Variants in CFAP92 observed in about 807,000 individuals in gnomAD.
CFAP92 encodes uncharacterized protein CFAP92.
In CFAP92, 86 loss-of-function variants were observed where a neutral mutation model predicts 106.3. That is an observed-to-expected ratio of 0.81 (90% confidence interval 0.68 to 0.97). The LOEUF (loss-of-function observed/expected upper bound fraction) is 0.97, where lower values mean the gene tolerates loss of function less well. CFAP92 is among the 50% of genes least tolerant of loss of function. CFAP92 has a pLI of 0.00. For synonymous variants in CFAP92, 477 were observed against 506.4 expected (o/e 0.94, Z 0.78); for missense variants, 1,204 against 1,283.8 (o/e 0.94, Z 0.95).
chr3:128,976,343 T>C (rs1186082405), intron 6 of CFAP92, among the ~76,000 whole-genome samples: 2 of 152,038 alleles, frequency 1.3e-5, no homozygotes, highest in Non-Finnish European at 2.9e-5. Flanking sequence ...CTGAACTGAG[T>C]GAAAGGATAT....
intron 4 of CFAP92, among the ~76,000 whole-genome samples, chr3:128,982,289 G>C (rs977719317): frequency 6.6e-6 from 1 of 152,212 alleles, no homozygotes; most frequent in African/African-American, 2.4e-5. Flanking sequence ...TTATGTTATG[G>C]AGATGGCTCC....
At chr3:129,002,017 G>A (rs1391726185) in intron 1 of CFAP92, 1 of 1,545,538 alleles carries the variant, frequency 6.5e-7, no homozygotes. Flanking sequence ...GAAGAGGCGC[G>A]CCTGGCGCTG....
At chr3:129,020,386 C>A in the CFAP92 span, among the ~76,000 whole-genome samples, 1 of 152,154 alleles carries the variant, frequency 6.6e-6, no homozygotes, top group Non-Finnish European at 1.5e-5. Context: ...CCTGTAATCC[C>A]AGCATTTTGG....
intron 12 of CFAP92, among the ~76,000 whole-genome samples, chr3:128,924,065 C>T (rs1480717581): frequency 7.9e-5 from 12 of 151,986 alleles, no homozygotes; most frequent in Non-Finnish European, 1.2e-4. Context: ...AGACAGCTGC[C>T]GTCGAGAACA....
At chr3:129,019,764 C>CTTTTTTTTTTT in the CFAP92 span, among the ~76,000 whole-genome samples, 1 of 107,424 alleles carries the variant, frequency 9.3e-6, no homozygotes, top group Non-Finnish European at 1.9e-5. Flanking sequence ...ATTAAATTTA[C>CTTTTTTTTTTT]TTTTTTTTTT....
intron 12 of CFAP92, among the ~76,000 whole-genome samples, chr3:128,927,317 A>C (rs764251715): frequency 1.1e-5 from 1 of 94,874 alleles, no homozygotes; most frequent in Non-Finnish European, 1.8e-5. Context: ...CCCCAGGCAG[A>C]AGGAAAGGAA....
chr3:128,942,439 C>T (rs1324773771), intron 10 of CFAP92, among the ~76,000 whole-genome samples: 1 of 152,216 alleles, frequency 6.6e-6, no homozygotes, highest in Non-Finnish European at 1.5e-5. Context: ...GGCTGACCGC[C>T]TACATGGCTG....
In CFAP92 at chr3:128,945,204, C is replaced by T. The variant is rs768405049; in HGVS notation, c.2125G>A (p.Val709Met). 1 of 1,536,178 alleles carries T rather than the reference C, an allele frequency of 6.5e-7. No individual in the cohort carries two copies. The change falls in exon 10 of 16, where the codon GTG becomes ATG. Residue 709 changes from valine (V) to methionine (M), a missense_variant. Physicochemically the swap from Val to Met is conservative, Grantham distance 21. Transcript: ENST00000645291. The stretch of plus-strand genomic sequence containing the variant: ...AGGTGCTGCTGCTCCTGGACCCGCA[C>T]ACGCACCTTGAAGGCTGACAGGATC... ...QQILSAFKVR[V>M]RVQEQQHLDV... is the part of the protein sequence containing the mutation.
chr3:129,011,611 C>G, the CFAP92 span, among the ~76,000 whole-genome samples: 12,279 of 151,644 alleles, frequency 0.081, 1,434 homozygotes, highest in African/African-American at 0.25. Flanking sequence ...GAAAAGCAAG[C>G]CCTGTCCAGG....
chr3:128,919,657 T>G (rs546014723), intron 12 of CFAP92, among the ~76,000 whole-genome samples: 2 of 152,198 alleles, frequency 1.3e-5, no homozygotes, highest in Non-Finnish European at 2.9e-5. Flanking sequence ...TTTGCAGTTT[T>G]CTCTCAAGGG....
In CFAP92 at chr3:128,916,215, C is replaced by T; in HGVS notation, c.2808G>A (p.Lys936=). The change falls in exon 13 of 16, where the codon AAG becomes AAA. Residue 936 remains lysine (K), a synonymous_variant. Transcript: ENST00000645291. Reference sequence around the variant, plus strand: ...TGGCAGGGGCTGAAATTTTAATCACCTTCGCCACGGACTTCGGAGGCTTCT... The same window carrying T: ...TGGCAGGGGCTGAAATTTTAATCACTTTCGCCACGGACTTCGGAGGCTTCT... ...VSKKPPKSVA[K]VIKISAPANK... The T allele has an allele frequency of 8.1e-7, 1 of 1,232,084 alleles. No homozygotes were observed. Among genetic ancestry groups the T allele is most frequent in the Non-Finnish European group, 1.0e-6 (1 of 987,968 alleles). The allele number at this position is 1,232,084 out of a possible 1,614,324, so 76.3% of individuals were successfully genotyped here.
intron 4 of CFAP92, among the ~76,000 whole-genome samples, chr3:128,985,069 C>T (rs998268259): frequency 4.6e-5 from 7 of 152,186 alleles, no homozygotes; most frequent in East Asian, 1.9e-4. Flanking sequence ...AAAGTGAATT[C>T]GCACTGCTTT....
At chr3:129,021,108 G>A in the CFAP92 span, among the ~76,000 whole-genome samples, 49 of 152,302 alleles carry the variant, frequency 3.2e-4, no homozygotes, top group African/African-American at 1.1e-3. Flanking sequence ...GAGGGGCCCT[G>A]CCAGGGAAAC....
intron 1 of CFAP92, 41 bp downstream of exon 1, chr3:128,993,939 G>C (rs1184353833): frequency 1.0e-5 from 10 of 987,432 alleles, no homozygotes; most frequent in African/African-American, 1.7e-5. Context: ...CGGCCGAGGT[G>C]GGGGCAGGGG....
At position 128,935,178 on chromosome 3, in the gene CFAP92, C is replaced by T. The variant is rs745660788; in HGVS notation, c.2400G>A (p.Ala800=). 2.8e-5 allele frequency: 43 copies of T among 1,535,654 alleles called. No individual in the cohort carries two copies. Among genetic ancestry groups the T allele is most frequent in the East Asian group, 2.4e-4 (10 of 40,916 alleles). The change falls in exon 11 of 16, where the codon GCG becomes GCA. Residue 800 remains alanine, a synonymous_variant. Coordinates refer to ENST00000645291, the MANE Select transcript of CFAP92 (RefSeq NM_001394090.1). ...FQPTELLLQQ[A]VFFLRDTERR... ...GCTCAGTGTCTCGCAGGAAGAACAC[C>T]GCCTGCTGCAGCAGCAGCTCCGTGG...
intron 9 of CFAP92, among the ~76,000 whole-genome samples, chr3:128,964,606 T>A (rs968280353): frequency 2.6e-5 from 4 of 152,234 alleles, no homozygotes; most frequent in African/African-American, 7.2e-5. Context: ...TTAGGCACTC[T>A]CTAATCAGAT....
At position 128,932,928 on chromosome 3, in the gene CFAP92, AGAG is replaced by A. The variant is rs773316763; in HGVS notation, c.2520_2522del (p.Ser841del). On this transcript the variant is annotated inframe_deletion, in exon 12 of 16. Transcript: ENST00000645291. ...CTTGGCTCAAGTCTTTTATCATAGC[AGAG>A]GAGGGCAGCAGGTCCCTCACCGTCA... is the stretch of plus-strand genomic sequence containing the variant. 3 of 1,536,166 alleles carry A rather than the reference AGAG, an allele frequency of 2.0e-6. No individual in the cohort carries two copies. In the East Asian group the frequency reaches 7.3e-5, roughly 38 times the overall value.
At chr3:129,008,596 A>G in the CFAP92 span, among the ~76,000 whole-genome samples, 1 of 152,100 alleles carries the variant, frequency 6.6e-6, no homozygotes, top group Non-Finnish European at 1.5e-5. Context: ...CTGTGGACCA[A>G]TCCCCGTGCC....
chr3:128,946,238 T>C (rs576624559), intron 9 of CFAP92, among the ~76,000 whole-genome samples: 14 of 152,322 alleles, frequency 9.2e-5, no homozygotes, highest in African/African-American at 3.4e-4. Flanking sequence ...CCTCCCAAAA[T>C]GTGAGTGCCA....
Sources: gnomAD v4.1 joint callset for allele counts (sites outside exome capture counted in the v4.1 genomes callset) on GRCh38, gnomAD v4.1.1 for gene constraint, MANE v1.5 for transcripts, NCBI Gene and HGNC (gene_info 2026-07-23, HGNC 2026-07-21) for gene names.